Variants in KCNJ6 observed in about 807,000 individuals in gnomAD.
KCNJ6 encodes the protein potassium inwardly rectifying channel subfamily J member 6.
KCNJ6 carries 9 observed loss-of-function variants against 34.2 expected under a neutral mutation model. The observed-to-expected ratio is 0.26, with a 90% CI of 0.16 to 0.46. The LOEUF is 0.46. Among genes scored for constraint, KCNJ6 ranks in the 20% least tolerant of loss-of-function variants. KCNJ6 has a pLI of 1.00. For synonymous variants in KCNJ6, 196 were observed against 207.1 expected, an observed-to-expected ratio of 0.95 and a Z score of 0.46; for missense variants, 236 against 531.3, an observed-to-expected ratio of 0.44 and a Z score of 5.46.
At chr21:37,690,554 A>G (rs1260224542) in intron 3 of KCNJ6, among the ~76,000 whole-genome samples, 2 of 152,120 alleles carry the variant, frequency 1.3e-5, no homozygotes, top group Non-Finnish European at 2.9e-5. Flanking sequence ...GGATTTTTCA[A>G]TTTTCCAAAG....
rs1405379370 is a variant in KCNJ6, at chr21:37,614,846, G to T, written c.*10313C>A. On this transcript the variant is annotated 3_prime_UTR_variant, in exon 4 of 4. Transcript: ENST00000609713. Reference sequence around the variant, plus strand: ...TGTGTGTGTGTTATGTAGGGAGAGGGTGCTTATATTGTTACTGTGTTACTT... The same window carrying T: ...TGTGTGTGTGTTATGTAGGGAGAGGTTGCTTATATTGTTACTGTGTTACTT... 2 of 150,456 alleles carry T rather than the reference G, an allele frequency of 1.3e-5. No homozygotes were observed. The highest frequency in any genetic ancestry group is 3.0e-5 in the Non-Finnish European group (2 of 67,450). The allele number at this position is 150,456 out of a possible 1,614,324, so 9.3% of individuals were successfully genotyped here.
At chr21:37,737,053 T>C (rs1405550312) in intron 2 of KCNJ6, among the ~76,000 whole-genome samples, 2 of 152,196 alleles carry the variant, frequency 1.3e-5, no homozygotes, top group Non-Finnish European at 2.9e-5. Flanking sequence ...TTCTCTTTTA[T>C]TGTGTGATGT....
At chr21:37,818,406 T>C (rs982082787) in intron 2 of KCNJ6, among the ~76,000 whole-genome samples, 2 of 152,082 alleles carry the variant, frequency 1.3e-5, no homozygotes, top group Admixed American at 6.6e-5. Flanking sequence ...TTAATAGAAC[T>C]CACAACATGA....
chr21:37,900,947 A>G lies in KCNJ6; in HGVS notation c.-28+14937T>C, dbSNP rs553550440. 6.6e-5 allele frequency among the ~76,000 whole-genome samples: 10 copies of G among 151,990 alleles called. 1 individual carries two copies. In the South Asian group the frequency reaches 1.7e-3, roughly 25 times the overall value. ...ATATATGATCCAATTTTAGTTATAA[A>G]ACATAAAACATAGTAAACCCTCCTA... On this transcript the variant is annotated intron_variant, in intron 1 of 3. Coordinates refer to ENST00000609713, the MANE Select transcript of KCNJ6 (RefSeq NM_002240.5).
chr21:37,762,504 T>C (rs545291040), intron 2 of KCNJ6, among the ~76,000 whole-genome samples: 1 of 152,324 alleles, frequency 6.6e-6, no homozygotes, highest in Non-Finnish European at 1.5e-5. Context: ...GTGCTGGCCA[T>C]GTGGAACTGC....
chr21:37,769,215 G>T lies in KCNJ6; in HGVS notation c.26-54084C>A, dbSNP rs199978149. Among the ~76,000 whole-genome samples, 4 of 152,084 alleles carry T rather than the reference G, an allele frequency of 2.6e-5. No homozygotes were observed. In the East Asian group the frequency reaches 7.7e-4, roughly 29 times the overall value. ...CCCTAAGAGCTTACGTGATGTTCCA[G>T]ATGAAAACTGAACTCTCTTCTCCGC... On this transcript the variant is annotated intron_variant, in intron 2 of 3. Coordinates refer to ENST00000609713, the MANE Select transcript of KCNJ6 (RefSeq NM_002240.5).
At chr21:37,910,149 C>T (rs749766830) in intron 1 of KCNJ6, among the ~76,000 whole-genome samples, 1 of 152,116 alleles carries the variant, frequency 6.6e-6, no homozygotes, top group Non-Finnish European at 1.5e-5. Flanking sequence ...AGAGGCATAG[C>T]GCTCCAGAGA....
intron 1 of KCNJ6, among the ~76,000 whole-genome samples, chr21:37,841,286 A>T (rs2123578930): frequency 6.6e-6 from 1 of 152,322 alleles, no homozygotes; most frequent in East Asian, 1.9e-4. Context: ...TGAAAGCCAG[A>T]ATAATACATA....
At chr21:37,782,394 A>G (rs963249928) in intron 2 of KCNJ6, among the ~76,000 whole-genome samples, 6 of 152,174 alleles carry the variant, frequency 3.9e-5, no homozygotes, top group African/African-American at 1.4e-4. Flanking sequence ...CACACATAAT[A>G]TATAAACACA....
At chr21:37,673,384 C>G (rs1186277032) in intron 3 of KCNJ6, among the ~76,000 whole-genome samples, 1 of 152,246 alleles carries the variant, frequency 6.6e-6, no homozygotes, top group African/African-American at 2.4e-5. Context: ...GTCCCCTCCC[C>G]CTCTTCCAGT....
intron 1 of KCNJ6, among the ~76,000 whole-genome samples, chr21:37,844,006 T>C (rs533708937): frequency 2.0e-5 from 3 of 152,122 alleles, no homozygotes; most frequent in East Asian, 3.9e-4. Context: ...CTGCCTGACC[T>C]CTCCATGGAA....
chr21:37,816,318 G>T (rs1298115906), intron 2 of KCNJ6, among the ~76,000 whole-genome samples: 2 of 152,132 alleles, frequency 1.3e-5, no homozygotes, highest in Admixed American at 1.3e-4. Flanking sequence ...TCCCTAGTAG[G>T]GCATCTGGGA....
At chr21:37,893,872 T>C (rs933946730) in intron 1 of KCNJ6, among the ~76,000 whole-genome samples, 1 of 152,196 alleles carries the variant, frequency 6.6e-6, no homozygotes, top group African/African-American at 2.4e-5. Context: ...AGAGAGATGC[T>C]ATAGACAGAT....
Position 37,722,155 on chromosome 21 carries a change from T to C in KCNJ6, c.26-7024A>G, listed in dbSNP as rs537849170. Among the ~76,000 whole-genome samples the C allele has an allele frequency of 3.3e-5, 5 of 152,276 alleles. No homozygotes were observed. In the Middle Eastern group the frequency reaches 0.014, roughly 414 times the overall value. ...CAGTGTCATTTCTATACACTAATAATGTTCAAGCTGAGAGCTGAATCAAGA... is the reference window on the plus strand; with the variant it reads ...CAGTGTCATTTCTATACACTAATAACGTTCAAGCTGAGAGCTGAATCAAGA... On this transcript the variant is annotated intron_variant, in intron 2 of 3. Transcript: ENST00000609713.
At chr21:37,722,451 T>C (rs2054831736) in intron 2 of KCNJ6, among the ~76,000 whole-genome samples, 1 of 152,184 alleles carries the variant, frequency 6.6e-6, no homozygotes, top group African/African-American at 2.4e-5. Flanking sequence ...CTAAAATTCA[T>C]ATGGAACCAA....
intron 2 of KCNJ6, among the ~76,000 whole-genome samples, chr21:37,787,586 C>T (rs910442347): frequency 3.3e-5 from 5 of 152,146 alleles, no homozygotes; most frequent in Middle Eastern, 3.2e-3. Context: ...ATGGGTCTGC[C>T]AATCTGCCTT....
chr21:37,742,387 T>C (rs1163879820), intron 2 of KCNJ6, among the ~76,000 whole-genome samples: 2 of 152,248 alleles, frequency 1.3e-5, no homozygotes, highest in East Asian at 3.8e-4. Flanking sequence ...GGTTGGCCAC[T>C]GTCCATTTCT....
At chr21:37,826,612 A>T (rs199694807) in intron 2 of KCNJ6, among the ~76,000 whole-genome samples, 277 of 81,234 alleles carry the variant, frequency 3.4e-3, no homozygotes, top group African/African-American at 0.025. Flanking sequence ...CCAATTTATT[A>T]AAAAAAAAAA....
intron 2 of KCNJ6, among the ~76,000 whole-genome samples, chr21:37,745,273 ATTAT>A (rs1054100129): frequency 2.6e-5 from 4 of 151,586 alleles, no homozygotes; most frequent in Admixed American, 6.6e-5. Context: ...TTTGTTATGT[ATTAT>A]TTATTTATTT....
Sources: gnomAD v4.1 joint callset for allele counts (sites outside exome capture counted in the v4.1 genomes callset) on GRCh38, gnomAD v4.1.1 for gene constraint, MANE v1.5 for transcripts, NCBI Gene and HGNC (gene_info 2026-07-23, HGNC 2026-07-21) for gene names.